RHPN1: variants seen among roughly 807,000 people sequenced by gnomAD.
RHPN1 encodes rhophilin Rho GTPase binding protein 1, also known as rhophilin-1.
Under a neutral mutation model 74.7 loss-of-function variants are expected in RHPN1, and 77 were observed. That is an observed-to-expected ratio of 1.03 (90% confidence interval 0.86 to 1.25). The LOEUF (loss-of-function observed/expected upper bound fraction) is 1.25, where lower values mean the gene tolerates loss of function less well. RHPN1 is among the 50% of genes most tolerant of loss of function. RHPN1 has a pLI of 0.00. For missense variants in RHPN1, 987 were observed against 932.2 expected (o/e 1.06, Z -0.77); for synonymous variants, 444 against 414.5 (o/e 1.07, Z -0.87).
chr8:143,379,741 G>A, intron 8 of RHPN1, 88 bp from the exon 9 acceptor site: 1 of 1,489,666 alleles, frequency 6.7e-7, no homozygotes, highest in Non-Finnish European at 8.9e-7. Flanking sequence ...CTGGGATGGT[G>A]GTCGGAGCAG....
In RHPN1 at chr8:143,380,715, T is replaced by C. The variant is rs763957416; in HGVS notation, c.1343T>C (p.Leu448Pro). Residue 448 changes from leucine (L) to proline (P), a missense_variant, in exon 11 of 15, where the codon CTG (leucine) becomes CCG (proline). By Grantham distance (98) the Leu-to-Pro change is moderately conservative. Coordinates refer to ENST00000289013, the MANE Select transcript of RHPN1 (RefSeq NM_052924.3). ...ATCTCCCAGACGCTGCAGCGCTCAC[T>C]GGCCAAGTATGCGGAGCTCGACCGT... ...AVISQTLQRS[L>P]AKYAELDRED... is the part of the protein sequence containing the mutation. The C allele has an allele frequency of 1.9e-6, 3 of 1,593,998 alleles. No homozygotes were observed. The African/African-American group carries it at 4.0e-5, about 21-fold the overall frequency.
rs373996452 is a variant in RHPN1 at position 143,379,502 on chromosome 8, C to T, written c.939C>T (p.Ala313=). The T allele has an allele frequency of 6.1e-5, 94 of 1,549,044 alleles. No individual in the cohort carries two copies. Among genetic ancestry groups the T allele is most frequent in the Admixed American group, 3.7e-4 (19 of 51,026 alleles). The change falls in exon 8 of 15, where the codon GCC becomes GCT. Residue 313 remains alanine (A), a synonymous_variant. Transcript: ENST00000289013. ...CCCAGCTGCGCCTGGCGCAGGAGGC[C>T]GCCCAGGTGAGCTCGGGCACCCGTG... ...CLAQLRLAQE[A]AQVAAEYRLV... is the part of the protein sequence containing the mutation.
In RHPN1 at chr8:143,383,803, C is replaced by T. The variant is rs77739394; in HGVS notation, c.*1152C>T. The T allele has an allele frequency of 0.037, 5,699 of 152,310 alleles. 305 individuals are homozygous for T. Among genetic ancestry groups the T allele is most frequent in the African/African-American group, 0.13 (5,366 of 41,532 alleles). The allele number at this position is 152,310 out of a possible 1,614,324, so 9.4% of individuals were successfully genotyped here. On this transcript the variant is annotated 3_prime_UTR_variant, in exon 15 of 15. Transcript: ENST00000289013. The stretch of plus-strand genomic sequence containing the variant: ...CGCTCAGCAGCCCTGGGAGGCGGCA[C>T]GGGCAGGTGCGCCTTGGGAGGGCTG...
chr8:143,378,476 CA>C (rs1397577355), intron 5 of RHPN1, 130 bp downstream of exon 5: 1 of 998,156 alleles, frequency 1.0e-6, no homozygotes, highest in African/African-American at 1.6e-5. Context: ...ACGGGCGCAC[CA>C]GGGGCCCTGT....
chr8:143,381,168 G>C, intron 11 of RHPN1, 100 bp from the exon 12 acceptor site: 1 of 993,060 alleles, frequency 1.0e-6, no homozygotes. Context: ...GGTCAGAAGC[G>C]GGGCCTGTGT....
rs1818654656 is a variant in RHPN1 at position 143,380,663 on chromosome 8, C to T, written c.1291C>T (p.Arg431Cys). 4 of 1,571,934 alleles carry T rather than the reference C, an allele frequency of 2.5e-6. No homozygotes were observed. The highest frequency in any genetic ancestry group is 1.4e-5 in the African/African-American group (1 of 73,938). The change falls in exon 11 of 15, where the codon CGC (arginine) becomes TGC (cysteine). Residue 431 changes from arginine to cysteine, a missense_variant. By Grantham distance (180) the Arg-to-Cys change is radical. Transcript: ENST00000289013. ...LRLHALCRVL[R>C]EVDLLRAVIS... ...GCTGCACGCCCTGTGCCGCGTCCTG[C>T]GCGAGGTGGACCTGCTTCGGGCTGT...
chr8:143,379,065 C>A lies in RHPN1; in HGVS notation c.738C>A (p.Phe246Leu). ...TEGARRAMEA[F>L]QRAAGAFSLL... The stretch of plus-strand genomic sequence containing the variant: ...GTGCCCGCCGCGCTATGGAGGCCTT[C>A]CAGAGGGCCGCTGGTGAGGGCGGCC... Residue 246 changes from phenylalanine (F) to leucine (L), a missense_variant, in exon 7 of 15, where the codon TTC becomes TTA. Phe to Leu is a conservative substitution (Grantham distance 22). Coordinates refer to ENST00000289013, the MANE Select transcript of RHPN1 (RefSeq NM_052924.3). 1 of 1,524,754 alleles carries A rather than the reference C, an allele frequency of 6.6e-7. No homozygotes were observed. Among genetic ancestry groups the A allele is most frequent in the South Asian group, 1.2e-5 (1 of 81,526 alleles). The allele number at this position is 1,524,754 out of a possible 1,614,324, so 94.5% of individuals were successfully genotyped here.
chr8:143,378,852 G>A (rs1409476219), intron 6 of RHPN1, 32 bp downstream of exon 6: 1 of 1,568,674 alleles, frequency 6.4e-7, no homozygotes, highest in Admixed American at 1.9e-5. Context: ...GCACCCTGGG[G>A]AGGGGAGGCC....
intron 5 of RHPN1, 121 bp from the exon 6 acceptor site, chr8:143,378,575 A>G: frequency 7.4e-7 from 1 of 1,342,788 alleles, no homozygotes; most frequent in Non-Finnish European, 1.0e-6. Flanking sequence ...ACGGCTGCCC[A>G]GGGCCCCACT....
chr8:143,377,455 G>A lies in RHPN1; in HGVS notation c.381G>A (p.Lys127=), dbSNP rs1427707007. The change falls in exon 4 of 15, where the codon AAG becomes AAA. Residue 127 remains lysine, a splice_region_variant and synonymous_variant. Coordinates refer to ENST00000289013, the MANE Select transcript of RHPN1 (RefSeq NM_052924.3). ...AGCTGGACTGGTCTACACCGCTGAA[G>A]GTAGGTACTGGCCTCCAAGCTCTGA... ...TKELDWSTPL[K]ELISVHFGED... is the part of the protein sequence containing the mutation. 1 of 1,611,142 alleles carries A rather than the reference G, an allele frequency of 6.2e-7. No individual in the cohort carries two copies. The highest frequency in any genetic ancestry group is 1.7e-5 in the Admixed American group (1 of 59,978).
chr8:143,380,046 CCT>C lies in RHPN1; in HGVS notation c.1103-11_1103-10del, dbSNP rs1818603558. 6.5e-7 allele frequency: 1 copy of C among 1,545,180 alleles called. No homozygotes were observed. Among genetic ancestry groups the C allele is most frequent in the African/African-American group, 1.4e-5 (1 of 73,050 alleles). Reference sequence around the variant, plus strand: ...AGGCCCCCCCGCGCAGGGCTCACAGCCTCTCTGTCCCCCAGCAGCGACCGAGG... The same window carrying C: ...AGGCCCCCCCGCGCAGGGCTCACAGCCTCTGTCCCCCAGCAGCGACCGAGG... On this transcript the variant is annotated splice_polypyrimidine_tract_variant and intron_variant, in intron 9 of 14. Coordinates refer to ENST00000289013, the MANE Select transcript of RHPN1 (RefSeq NM_052924.3).
intron 3 of RHPN1, among the ~76,000 whole-genome samples, chr8:143,376,956 CTGTG>C (rs552703507): frequency 4.2e-5 from 6 of 142,190 alleles, no homozygotes; most frequent in Admixed American, 2.8e-4. Context: ...GTGCGTGTGT[CTGTG>C]TGCACGTGTC....
intron 7 of RHPN1, 22 bp downstream of exon 7, chr8:143,379,100 G>A: frequency 6.8e-7 from 1 of 1,473,268 alleles, no homozygotes; most frequent in East Asian, 2.5e-5. Flanking sequence ...CCGGGCCGCG[G>A]TGGGGCACGG....
chr8:143,374,094 A>C, intron 1 of RHPN1: 1 of 981,884 alleles, frequency 1.0e-6, no homozygotes, highest in Non-Finnish European at 1.2e-6. Context: ...TAAAATGCAC[A>C]CAAAGATCTC....
In RHPN1 at chr8:143,383,962, C is replaced by CCTGCG. The variant is rs1818906343; in HGVS notation, c.*1316_*1320dup. 6.6e-6 allele frequency: 1 copy of CCTGCG among 152,290 alleles called. No homozygotes were observed. Among genetic ancestry groups the CCTGCG allele is most frequent in the East Asian group, 1.9e-4 (1 of 5,160 alleles). 9.4% of individuals were successfully genotyped at this position (152,290 alleles called of 1,614,324 possible). A position where few individuals can be genotyped will look rare whatever the true frequency, so the allele number is the denominator to read the frequency against. Reference sequence around the variant, plus strand: ...AGGCTCTGGTTCCAGGGTCCAGGGCCCTGCGCTGCCACCTCCCTCGTGCTT... The same window carrying CCTGCG: ...AGGCTCTGGTTCCAGGGTCCAGGGCCCTGCGCTGCGCTGCCACCTCCCTCGTGCTT... On this transcript the variant is annotated 3_prime_UTR_variant, in exon 15 of 15. Transcript: ENST00000289013.
chr8:143,369,276 C>G (rs759653932), intron 1 of RHPN1, among the ~76,000 whole-genome samples: 13 of 152,194 alleles, frequency 8.5e-5, no homozygotes, highest in Non-Finnish European at 1.6e-4. Context: ...CTGGATCATC[C>G]TCACCGCTGA....
chr8:143,374,179 G>T (rs771758439), intron 1 of RHPN1: 27 of 985,326 alleles, frequency 2.7e-5, no homozygotes, highest in Non-Finnish European at 3.1e-5. Context: ...GCTCTTTACG[G>T]GGAAGACGGG....
At chr8:143,370,782 C>T (rs1034397195) in intron 1 of RHPN1, among the ~76,000 whole-genome samples, 3 of 152,216 alleles carry the variant, frequency 2.0e-5, no homozygotes, top group African/African-American at 4.8e-5. Flanking sequence ...ACCCAGCTGC[C>T]GTCCCTCCCG....
chr8:143,376,916 GTGTC>G (rs1442851110), intron 3 of RHPN1, among the ~76,000 whole-genome samples: 1 of 149,634 alleles, frequency 6.7e-6, no homozygotes, highest in East Asian at 2.0e-4. Flanking sequence ...GTGTGTCTGT[GTGTC>G]TGCATGTGTC....
Sources: gnomAD v4.1 joint callset for allele counts (sites outside exome capture counted in the v4.1 genomes callset) on GRCh38, gnomAD v4.1.1 for gene constraint, MANE v1.5 for transcripts, NCBI Gene and HGNC (gene_info 2026-07-23, HGNC 2026-07-21) for gene names.